Variants in MCF2L observed in about 807,000 individuals in gnomAD.
MCF2L encodes the protein MCF.2 cell line derived transforming sequence like, also known as guanine nucleotide exchange factor DBS.
In MCF2L, 97 loss-of-function variants were observed where a neutral mutation model predicts 153.4. The ratio of observed to expected loss-of-function variants is 0.63; its 90% CI spans 0.54 to 0.75. MCF2L has a LOEUF of 0.75. Among genes scored for constraint, MCF2L ranks in the 30% least tolerant of loss-of-function variants. The pLI, the probability that MCF2L is intolerant of heterozygous loss-of-function variation, is 0.00. For synonymous variants in MCF2L, 659 were observed against 632.2 expected, an observed-to-expected ratio of 1.04 and a Z score of -0.64; for missense variants, 1,347 against 1,495.2, an observed-to-expected ratio of 0.90 and a Z score of 1.64.
chr13:112,945,002 T>C (rs1193321161), intron 2 of MCF2L, among the ~76,000 whole-genome samples: 1 of 13,390 alleles, frequency 7.5e-5, no homozygotes, highest in African/African-American at 4.8e-4. Flanking sequence ...GGCACCACTA[T>C]TTTTTTTTTT....
At chr13:113,026,864 C>T (rs2085342241) in intron 3 of MCF2L, 1 of 732,876 alleles carries the variant, frequency 1.4e-6, no homozygotes, top group Admixed American at 1.9e-5. Flanking sequence ...TCTGTGTCTC[C>T]CCAGCGGCGG....
chr13:112,909,540 AGG>A (rs1486973179), intron 2 of MCF2L: 2 of 495,578 alleles, frequency 4.0e-6, no homozygotes, highest in Non-Finnish European at 7.2e-6. Context: ...ACTTGGATGC[AGG>A]TAGTGCTCAG....
chr13:113,063,869 T>A (rs1566829058), intron 5 of MCF2L: 1 of 445,798 alleles, frequency 2.2e-6, no homozygotes, highest in Admixed American at 2.4e-5. Context: ...AGTGGGGCTG[T>A]GAGTTTGAAG....
chr13:113,078,959 C>A (rs1180525102), intron 15 of MCF2L, among the ~76,000 whole-genome samples: 1 of 152,254 alleles, frequency 6.6e-6, no homozygotes, highest in Non-Finnish European at 1.5e-5. Flanking sequence ...CGCACACACA[C>A]CACTCGGGAT....
chr13:113,013,675 T>C lies in MCF2L; in HGVS notation c.80-1088T>C, dbSNP rs149802174. ...CTCAGGTGTGGAAAAATTGAGCGTT[T>C]AAGCCATTCTCAGGTCATCAGCGTG... On this transcript the variant is annotated intron_variant, in intron 1 of 29. Transcript: ENST00000535094. Among the ~76,000 whole-genome samples, 554 of 152,366 alleles carry C rather than the reference T, an allele frequency of 3.6e-3. 4 individuals are homozygous for C. Among genetic ancestry groups the C allele is most frequent in the African/African-American group, 0.013 (522 of 41,580 alleles).
intron 1 of MCF2L, among the ~76,000 whole-genome samples, chr13:112,988,906 A>C (rs12873270): frequency 1.4e-5 from 1 of 69,476 alleles, no homozygotes; most frequent in Non-Finnish European, 2.8e-5. Context: ...CCTGAGCAGG[A>C]CATGGAGCTA....
Position 113,082,476 on chromosome 13 carries a change from C to A in MCF2L, c.1925C>A (p.Thr642Lys). The A allele has an allele frequency of 6.2e-7, 1 of 1,614,118 alleles. No individual in the cohort carries two copies. The highest frequency in any genetic ancestry group is 8.5e-7 in the Non-Finnish European group (1 of 1,179,952). ...CCACTGATGGCTCACCTCCTGTCAA[C>A]AGGCCTTCACAACAAGAAGGATGTT... ...DNPLMAHLLS[T>K]GLHNKKDVLF... Residue 642 changes from threonine (T) to lysine (K), a missense_variant, in exon 17 of 30, where the codon ACA becomes AAA. Thr to Lys is a moderately conservative substitution (Grantham distance 78). Coordinates refer to ENST00000535094, the MANE Select transcript of MCF2L (RefSeq NM_001112732.3).
rs557191027 is a variant in MCF2L, at chr13:113,064,652, A to C, written c.606+232A>C. ...GGCTTGGAGACCAAAAAAAAAAAAAAAACCCTTGCGTTGTGGTTTGCAACA... is the reference window on the plus strand; with the variant it reads ...GGCTTGGAGACCAAAAAAAAAAAAACAACCCTTGCGTTGTGGTTTGCAACA... On this transcript the variant is annotated intron_variant, in intron 6 of 29. Coordinates refer to ENST00000535094, the MANE Select transcript of MCF2L (RefSeq NM_001112732.3). This position sits in a 1 kb window ranked among gnomAD's most constrained non-coding sequence, Gnocchi z 6.0. The C allele has an allele frequency of 1.0e-5, 6 of 594,064 alleles. No individual in the cohort carries two copies. In the East Asian group the frequency reaches 1.7e-4, roughly 17 times the overall value. The allele number at this position is 594,064 out of a possible 1,614,324, so 36.8% of individuals were successfully genotyped here.
At chr13:112,956,919 C>G (rs1388745918) in intron 2 of MCF2L, 1 of 152,198 alleles carries the variant, frequency 6.6e-6, no homozygotes. Flanking sequence ...TACTTACAGC[C>G]AGGAAGGCAT....
At position 113,097,096 on chromosome 13, in the gene MCF2L, C is replaced by A. The variant is rs188559766; in HGVS notation, c.*237C>A. ...GAGGAGGGGCCGCAGGGAACAGCCC[C>A]GGGCGGCAGGCGCCGGGCAGCGGCA... On this transcript the variant is annotated 3_prime_UTR_variant, in exon 30 of 30. Coordinates refer to ENST00000535094, the MANE Select transcript of MCF2L (RefSeq NM_001112732.3). 933 of 348,894 alleles carry A rather than the reference C, an allele frequency of 2.7e-3. 7 individuals carry two copies. Among genetic ancestry groups the A allele is most frequent in the African/African-American group, 0.013 (605 of 46,702 alleles). The allele number at this position is 348,894 out of a possible 1,614,324, so 21.6% of individuals were successfully genotyped here. A position where few individuals can be genotyped will look rare whatever the true frequency, so the allele number is the denominator to read the frequency against.
At position 113,064,845 on chromosome 13, in the gene MCF2L, T is replaced by A. The variant is rs2032109805; in HGVS notation, c.607-91T>A. On this transcript the variant is annotated intron_variant, in intron 6 of 29. Transcript: ENST00000535094. The surrounding 1 kb of genome is among the most constrained non-coding windows in gnomAD (Gnocchi z 6.0). ...GCCGGTCTCACCTGATGGGTCTGTG[T>A]GGGAACGGTTTCCGCCGGTGTCTGC... 2.1e-6 allele frequency: 3 copies of A among 1,457,970 alleles called. No individual in the cohort carries two copies. Among genetic ancestry groups the A allele is most frequent in the Non-Finnish European group, 2.8e-6 (3 of 1,070,590 alleles). The allele number at this position is 1,457,970 out of a possible 1,614,324, so 90.3% of individuals were successfully genotyped here.
At chr13:113,096,308 G>A (rs1226889425) in intron 27 of MCF2L, 63 bp from the exon 28 acceptor site, 6 of 1,301,334 alleles carry the variant, frequency 4.6e-6, no homozygotes, top group Non-Finnish European at 5.4e-6. Context: ...CCGCCTGGCT[G>A]CTGTGGGGCT....
intron 2 of MCF2L, among the ~76,000 whole-genome samples, chr13:112,914,022 C>CA (rs1387503729): frequency 6.6e-6 from 1 of 152,210 alleles, no homozygotes; most frequent in African/African-American, 2.4e-5. Context: ...TTAGCATCCC[C>CA]AGCCCCTTCT....
chr13:112,997,066 G>A (rs971329101), intron 1 of MCF2L, among the ~76,000 whole-genome samples: 5 of 152,238 alleles, frequency 3.3e-5, no homozygotes, highest in Non-Finnish European at 7.3e-5. Context: ...TCCCAGCTGA[G>A]CGGCTGCTTC....
intron 1 of MCF2L, among the ~76,000 whole-genome samples, chr13:112,997,510 C>T (rs1028342850): frequency 6.6e-6 from 1 of 152,242 alleles, no homozygotes; most frequent in African/African-American, 2.4e-5. Context: ...CCCCAGCCAC[C>T]TGGTGAGCCG....
At position 113,027,998 on chromosome 13, in the gene MCF2L, GC is replaced by G. The variant is rs1422983447; in HGVS notation, c.278+3245del. 1.3e-5 allele frequency among the ~76,000 whole-genome samples: 2 copies of G among 151,632 alleles called. No individual in the cohort carries two copies. The highest frequency in any genetic ancestry group is 4.9e-5 in the African/African-American group (2 of 40,952). ...GACGGCCGGCCTGACAGGTACATCC[GC>G]CCCCTGATGGCACCTCCTGGCATGG... On this transcript the variant is annotated intron_variant, in intron 3 of 29. Transcript: ENST00000535094. The surrounding 1 kb of genome is among the most constrained non-coding windows in gnomAD (Gnocchi z 4.8).
chr13:113,035,570 C>T lies in MCF2L; in HGVS notation c.279-9701C>T, dbSNP rs957788298. On this transcript the variant is annotated intron_variant, in intron 3 of 29. Coordinates refer to ENST00000535094, the MANE Select transcript of MCF2L (RefSeq NM_001112732.3). This position sits in a 1 kb window ranked among gnomAD's most constrained non-coding sequence, Gnocchi z 4.4. ...CCTCCCTGGCTCCTTCGCCTGCTGC[C>T]TTTTTCTTCCATGAGGATGCGGTTC... 2.0e-5 allele frequency among the ~76,000 whole-genome samples: 3 copies of T among 152,176 alleles called. No homozygotes were observed. The highest frequency in any genetic ancestry group is 4.4e-5 in the Non-Finnish European group (3 of 68,042).
rs1370494073 is a variant in MCF2L at position 113,090,352 on chromosome 13, G to A, written c.2953+624G>A. On this transcript the variant is annotated intron_variant, in intron 26 of 29. Transcript: ENST00000535094. ...TTATTTAGAGGTGGCTTTCCTTCGG[G>A]AAAATGAAGGCGAGCTTTTCAAATG... The A allele has an allele frequency of 5.1e-6, 5 of 985,330 alleles. No individual in the cohort carries two copies. In the Admixed American group the frequency reaches 2.5e-4, roughly 48 times the overall value. The allele number at this position is 985,330 out of a possible 1,614,324, so 61.0% of individuals were successfully genotyped here. A position where few individuals can be genotyped will look rare whatever the true frequency, so the allele number is the denominator to read the frequency against.
At chr13:113,075,763 G>A (rs2141928566) in intron 11 of MCF2L, among the ~76,000 whole-genome samples, 1 of 90,254 alleles carries the variant, frequency 1.1e-5, no homozygotes, top group African/African-American at 3.8e-5. Context: ...CTTGGGATTG[G>A]CCTTGTCCAG....
Sources: allele counts gnomAD v4.1 joint callset (sites outside exome capture counted in the v4.1 genomes callset), GRCh38; gene constraint gnomAD v4.1.1; non-coding constraint Gnocchi (gnomAD v3.1); transcripts MANE v1.5; gene names NCBI Gene and HGNC (gene_info 2026-07-23, HGNC 2026-07-21).